The following PABPC4L variants were observed in gnomAD, a reference collection of about 807,000 sequenced individuals.
PABPC4L encodes the protein polyadenylate-binding protein 4-like.
For synonymous variants in PABPC4L, 169 were observed against 164.1 expected, an observed-to-expected ratio of 1.03 and a Z score of -0.23; for missense variants, 452 against 451.4, an observed-to-expected ratio of 1.00 and a Z score of -0.01.
At chr4:134,011,913 G>T in the PABPC4L span, among the ~76,000 whole-genome samples, 1 of 152,060 alleles carries the variant, frequency 6.6e-6, no homozygotes, top group Non-Finnish European at 1.5e-5. Flanking sequence ...AAAATATTGG[G>T]AGCAGCCTCC....
At chr4:134,127,602 T>C in the PABPC4L span, among the ~76,000 whole-genome samples, 1 of 152,032 alleles carries the variant, frequency 6.6e-6, no homozygotes, top group African/African-American at 2.4e-5. Context: ...GGGAAAAAGG[T>C]AGAGGACTGC....
chr4:134,070,938 C>T, the PABPC4L span, among the ~76,000 whole-genome samples: 1 of 152,144 alleles, frequency 6.6e-6, no homozygotes, highest in Non-Finnish European at 1.5e-5. Context: ...TGGCTAAAGT[C>T]TCCTAGAGGA....
chr4:134,049,389 T>C, the PABPC4L span, among the ~76,000 whole-genome samples: 1 of 152,138 alleles, frequency 6.6e-6, no homozygotes, highest in Non-Finnish European at 1.5e-5. Flanking sequence ...AAAATAAAGG[T>C]ATTTTTTATT....
the PABPC4L span, among the ~76,000 whole-genome samples, chr4:133,988,768 GT>G: frequency 6.6e-6 from 1 of 152,140 alleles, no homozygotes; most frequent in Non-Finnish European, 1.5e-5. Flanking sequence ...CCCTGTGTGG[GT>G]GCACCAACCC....
At chr4:134,086,060 T>C in the PABPC4L span, among the ~76,000 whole-genome samples, 1 of 152,116 alleles carries the variant, frequency 6.6e-6, no homozygotes, top group Non-Finnish European at 1.5e-5. Flanking sequence ...GTACAAACTG[T>C]CTAAAATATT....
chr4:134,097,091 C>A, the PABPC4L span, among the ~76,000 whole-genome samples: 1 of 151,822 alleles, frequency 6.6e-6, no homozygotes, highest in East Asian at 1.9e-4. Context: ...AAATGCTCAT[C>A]AGAATTTGAT....
At chr4:134,085,454 C>T in the PABPC4L span, among the ~76,000 whole-genome samples, 1 of 151,984 alleles carries the variant, frequency 6.6e-6, no homozygotes, top group Non-Finnish European at 1.5e-5. Context: ...AACACACACG[C>T]ACTAACGCAA....
At chr4:133,997,211 A>G in the PABPC4L span, among the ~76,000 whole-genome samples, 2 of 152,160 alleles carry the variant, frequency 1.3e-5, no homozygotes, top group African/African-American at 4.8e-5. Context: ...GTCAGGAGTC[A>G]TACATCTCTC....
chr4:133,985,818 A>G, the PABPC4L span, among the ~76,000 whole-genome samples: 1 of 152,024 alleles, frequency 6.6e-6, no homozygotes, highest in African/African-American at 2.4e-5. Flanking sequence ...ACATAATGAA[A>G]CCAAATAATT....
the PABPC4L span, among the ~76,000 whole-genome samples, chr4:134,045,514 G>A: frequency 6.6e-6 from 1 of 152,104 alleles, no homozygotes; most frequent in Admixed American, 6.6e-5. Flanking sequence ...AAATCATGAG[G>A]AGAAGTGCAT....
the PABPC4L span, among the ~76,000 whole-genome samples, chr4:134,065,022 G>C: frequency 1.3e-5 from 2 of 151,908 alleles, no homozygotes; most frequent in African/African-American, 4.8e-5. Context: ...TTGAATCCAC[G>C]TTTTTGCTAT....
At chr4:134,120,526 G>T in the PABPC4L span, among the ~76,000 whole-genome samples, 2 of 150,058 alleles carry the variant, frequency 1.3e-5, no homozygotes, top group South Asian at 4.2e-4. Flanking sequence ...TTAAACAATT[G>T]TTTCATGAAG....
the PABPC4L span, among the ~76,000 whole-genome samples, chr4:134,051,649 G>T: frequency 6.6e-6 from 1 of 152,036 alleles, no homozygotes; most frequent in African/African-American, 2.4e-5. Context: ...AAGCCGAGGG[G>T]AGTTATTTCA....
chr4:133,985,778 A>T, the PABPC4L span, among the ~76,000 whole-genome samples: 19,717 of 152,028 alleles, frequency 0.13, 2,734 homozygotes, highest in East Asian at 0.49. Flanking sequence ...TTGAATCCCA[A>T]AACATTGAAA....
the PABPC4L span, among the ~76,000 whole-genome samples, chr4:133,997,634 G>A: frequency 1.3e-5 from 2 of 152,120 alleles, no homozygotes; most frequent in Admixed American, 1.3e-4. Flanking sequence ...ACTCATGGGA[G>A]GAGATCAACA....
chr4:134,037,371 A>G, the PABPC4L span, among the ~76,000 whole-genome samples: 2 of 152,044 alleles, frequency 1.3e-5, no homozygotes, highest in Non-Finnish European at 2.9e-5. Context: ...TCTTTGGTTA[A>G]GTATGTTCCT....
the PABPC4L span, among the ~76,000 whole-genome samples, chr4:134,163,297 G>A: frequency 6.6e-6 from 1 of 151,942 alleles, no homozygotes; most frequent in Non-Finnish European, 1.5e-5. Flanking sequence ...AACCCTCCTT[G>A]CTTTAATCTG....
chr4:133,968,595 A>G, the PABPC4L span, among the ~76,000 whole-genome samples: 1 of 152,224 alleles, frequency 6.6e-6, no homozygotes, highest in Non-Finnish European at 1.5e-5. Context: ...TTGTGAATAC[A>G]AAAAACAAAA....
At chr4:133,986,362 A>C in the PABPC4L span, among the ~76,000 whole-genome samples, 2 of 152,222 alleles carry the variant, frequency 1.3e-5, no homozygotes, top group South Asian at 2.1e-4. Context: ...GAGATATATA[A>C]ATTAAGTAAA....
Sources: allele counts gnomAD v4.1 joint callset (sites outside exome capture counted in the v4.1 genomes callset), GRCh38; gene constraint gnomAD v4.1.1; transcripts MANE v1.5; gene names NCBI Gene and HGNC (gene_info 2026-07-23, HGNC 2026-07-21).